ZNF536: variants seen among roughly 807,000 people sequenced by gnomAD.
ZNF536 encodes zinc finger protein 536.
In ZNF536, 13 loss-of-function variants were observed where a neutral mutation model predicts 84.5. That is an observed-to-expected ratio of 0.15 (90% CI 0.10 to 0.24). The LOEUF (loss-of-function observed/expected upper bound fraction) is 0.24. Among genes scored for constraint, ZNF536 ranks in the 10% least tolerant of loss-of-function variants. The pLI is 1.00. For synonymous variants in ZNF536, 811 were observed against 742.5 expected, an observed-to-expected ratio of 1.09 and a Z score of -1.50; for missense variants, 1,536 against 1,747.5, an observed-to-expected ratio of 0.88 and a Z score of 2.16.
chr19:30,443,503 T>C, intron 1 of ZNF536, 58 bp from the exon 2 acceptor site: 2 of 1,497,466 alleles, frequency 1.3e-6, no homozygotes, highest in Non-Finnish European at 1.8e-6. Context: ...CCAATGCTGT[T>C]GATTCATGGC....
chr19:30,235,494 A>G (rs73021632), intron 1 of ZNF536, among the ~76,000 whole-genome samples: 11,521 of 152,300 alleles, frequency 0.076, 490 homozygotes, highest in East Asian at 0.14. Context: ...TGGAAATGCT[A>G]TGTCAGCTAA....
intron 4 of ZNF536, 56 bp from the exon 5 acceptor site, chr19:30,557,101 G>T (rs2045993195): frequency 1.9e-6 from 3 of 1,598,202 alleles, no homozygotes; most frequent in Non-Finnish European, 2.6e-6. Flanking sequence ...GCTTTCAAAT[G>T]CCTCTAGCCC....
intron 1 of ZNF536, among the ~76,000 whole-genome samples, chr19:30,250,724 C>T (rs963489172): frequency 6.6e-6 from 1 of 152,084 alleles, no homozygotes; most frequent in Non-Finnish European, 1.5e-5. Context: ...AAGACAACTA[C>T]GATTCCTCTT....
At chr19:30,575,759 G>A (rs765629129) in intron 1 of ZNF536, among the ~76,000 whole-genome samples, 60 of 152,236 alleles carry the variant, frequency 3.9e-4, no homozygotes, top group Non-Finnish European at 7.6e-4. Flanking sequence ...CAGAGACAAG[G>A]CCTGTGCAGT....
At chr19:30,704,799 C>G (rs944789458) in intron 1 of ZNF536, among the ~76,000 whole-genome samples, 8 of 152,130 alleles carry the variant, frequency 5.3e-5, no homozygotes, top group African/African-American at 1.2e-4. Context: ...AAACCCACAG[C>G]CCCCTCAGCA....
At chr19:30,522,426 G>A (rs2145742344) in intron 2 of ZNF536, among the ~76,000 whole-genome samples, 1 of 151,358 alleles carries the variant, frequency 6.6e-6, no homozygotes, top group Non-Finnish European at 1.5e-5. Context: ...CAAATGAAAA[G>A]GGCTAGATAA....
chr19:30,343,536 G>A (rs1187571530), intron 2 of ZNF536, among the ~76,000 whole-genome samples: 5 of 152,136 alleles, frequency 3.3e-5, no homozygotes, highest in Non-Finnish European at 2.9e-5. Flanking sequence ...AGGTGGAGAT[G>A]AAGGGGAGGA....
At chr19:30,600,351 C>T (rs955478508) in intron 1 of ZNF536, among the ~76,000 whole-genome samples, 3 of 152,142 alleles carry the variant, frequency 2.0e-5, no homozygotes, top group African/African-American at 7.2e-5. Context: ...ACCTGGGGCT[C>T]CCAAAGTGCT....
In ZNF536 at chr19:30,548,439, C is replaced by A. The variant is rs773223016; in HGVS notation, c.2820C>A (p.Ala940=). ...AGGAGAAGGACATGAAGGACAAAGC[C>A]CTGGCTGACCCCCCTTCCATGAAAG... ...LKKEKDMKDK[A]LADPPSMKVH... Residue 940 remains alanine, a synonymous_variant, in exon 4 of 5, where the codon GCC becomes GCA. Transcript: ENST00000355537. The A allele has an allele frequency of 6.2e-7, 1 of 1,614,150 alleles. No individual in the cohort carries two copies. The highest frequency in any genetic ancestry group is 8.5e-7 in the Non-Finnish European group (1 of 1,180,034).
At chr19:30,684,801 C>T (rs8112361) in intron 1 of ZNF536, among the ~76,000 whole-genome samples, 5,293 of 152,152 alleles carry the variant, frequency 0.035, 110 homozygotes, top group Middle Eastern at 0.061. Context: ...ACGCAGGGGG[C>T]GGGACATGGG....
intron 1 of ZNF536, among the ~76,000 whole-genome samples, chr19:30,609,916 AT>A (rs2048038880): frequency 8.8e-6 from 1 of 113,710 alleles, no homozygotes; most frequent in Non-Finnish European, 2.0e-5. Flanking sequence ...CCATCCATCC[AT>A]CCATCCATCC....
intron 1 of ZNF536, among the ~76,000 whole-genome samples, chr19:30,232,878 A>G (rs2023178269): frequency 6.6e-6 from 1 of 152,228 alleles, no homozygotes; most frequent in African/African-American, 2.4e-5. Flanking sequence ...CCCAGCTATG[A>G]TAATCAAAAA....
intron 2 of ZNF536, among the ~76,000 whole-genome samples, chr19:30,507,326 G>C (rs185983248): frequency 6.6e-6 from 1 of 152,190 alleles, no homozygotes; most frequent in East Asian, 1.9e-4. Flanking sequence ...ACTCCAGCCT[G>C]GGTGACAGAG....
At chr19:30,622,840 A>G (rs1414782128) in intron 1 of ZNF536, among the ~76,000 whole-genome samples, 1 of 151,978 alleles carries the variant, frequency 6.6e-6, no homozygotes, top group African/African-American at 2.4e-5. Context: ...GCTGCCTGCG[A>G]TGTTGGAACC....
chr19:30,665,608 G>A (rs1034393309), intron 1 of ZNF536: 1 of 152,164 alleles, frequency 6.6e-6, no homozygotes, highest in Non-Finnish European at 1.5e-5. Flanking sequence ...TCACTCAAAG[G>A]CCATGTGACT....
At chr19:30,478,406 G>A (rs1302199306) in intron 2 of ZNF536, among the ~76,000 whole-genome samples, 2 of 151,924 alleles carry the variant, frequency 1.3e-5, no homozygotes, top group African/African-American at 4.8e-5. Flanking sequence ...GTCTCTTGAG[G>A]GGGCCCATTC....
intron 1 of ZNF536, among the ~76,000 whole-genome samples, chr19:30,685,776 C>G (rs2051155184): frequency 6.6e-6 from 1 of 152,194 alleles, no homozygotes; most frequent in African/African-American, 2.4e-5. Flanking sequence ...TCCTCCCCTC[C>G]ATCATGGGCT....
chr19:30,428,215 T>C (rs1422847339), intron 1 of ZNF536, among the ~76,000 whole-genome samples: 1 of 152,124 alleles, frequency 6.6e-6, no homozygotes, highest in African/African-American at 2.4e-5. Flanking sequence ...GCAGGCCTGA[T>C]AGAGGCCGCA....
chr19:30,284,512 C>T (rs1425313955), intron 2 of ZNF536, among the ~76,000 whole-genome samples: 1 of 152,220 alleles, frequency 6.6e-6, no homozygotes, highest in Non-Finnish European at 1.5e-5. Flanking sequence ...TGGTCGGGCT[C>T]CCCATCACTC....
Sources: allele counts gnomAD v4.1 joint callset (sites outside exome capture counted in the v4.1 genomes callset), GRCh38; gene constraint gnomAD v4.1.1; transcripts MANE v1.5; gene names NCBI Gene and HGNC (gene_info 2026-07-23, HGNC 2026-07-21).